Variants in FMN1 observed in about 807,000 individuals in gnomAD.
FMN1 encodes the protein formin 1, also known as formin-1.
A neutral mutation model predicts 132.4 loss-of-function variants in FMN1; 110 were observed. The ratio of observed to expected loss-of-function variants is 0.83; its 90% CI spans 0.71 to 0.97. The LOEUF (loss-of-function observed/expected upper bound fraction) is 0.97, where lower values mean the gene tolerates loss of function less well. FMN1 is among the 50% of genes least tolerant of loss of function. FMN1 has a pLI of 0.00. For missense variants in FMN1, 1,792 were observed against 1,705.3 expected (o/e 1.05, Z -0.90); for synonymous variants, 722 against 651.7 (o/e 1.11, Z -1.64).
At chr15:33,122,245 TTA>T (rs1225456478) in intron 4 of FMN1, among the ~76,000 whole-genome samples, 1 of 152,180 alleles carries the variant, frequency 6.6e-6, no homozygotes, top group East Asian at 1.9e-4. Flanking sequence ...TAAGTCTTAT[TTA>T]TTCTTGTCAT....
In FMN1 at chr15:32,774,281, C is replaced by T. The variant is rs761392162; in HGVS notation, c.*29G>A. 6.3e-7 allele frequency: 1 copy of T among 1,574,954 alleles called. No individual in the cohort carries two copies. Among genetic ancestry groups the T allele is most frequent in the Admixed American group, 1.7e-5 (1 of 57,924 alleles). On this transcript the variant is annotated 3_prime_UTR_variant, in exon 21 of 21. Transcript: ENST00000616417. ...GTATGCGTGCAAGGTCCTCCACCTC[C>T]AGTGCCATCATTTCCATGTGTCTTC... is the stretch of plus-strand genomic sequence containing the variant.
rs538979134 is a variant in FMN1, at chr15:33,032,793, A to G, written c.2162-24718T>C. 2.0e-5 allele frequency among the ~76,000 whole-genome samples: 3 copies of G among 152,258 alleles called. No individual in the cohort carries two copies. The South Asian group carries it at 6.2e-4, about 32-fold the overall frequency. Reference sequence around the variant, plus strand: ...AATTAAGACAACCGATTCCATACCCAGAAGGCCTGGTTCAAATCCTAGCTA... The same window carrying G: ...AATTAAGACAACCGATTCCATACCCGGAAGGCCTGGTTCAAATCCTAGCTA... On this transcript the variant is annotated intron_variant, in intron 6 of 20. Transcript: ENST00000616417.
chr15:33,059,860 T>C (rs1460692273), intron 6 of FMN1, among the ~76,000 whole-genome samples: 2 of 152,240 alleles, frequency 1.3e-5, no homozygotes, highest in Non-Finnish European at 2.9e-5. Flanking sequence ...TTTACTAGTA[T>C]CTCCTTGAAC....
At chr15:32,902,279 G>A (rs1315450861) in intron 12 of FMN1, among the ~76,000 whole-genome samples, 1 of 152,030 alleles carries the variant, frequency 6.6e-6, no homozygotes, top group Admixed American at 6.6e-5. Flanking sequence ...AATTCCTTCG[G>A]GAACAGAAAG....
At chr15:32,931,823 C>T (rs894590262) in intron 9 of FMN1, among the ~76,000 whole-genome samples, 60 of 152,260 alleles carry the variant, frequency 3.9e-4, no homozygotes, top group Non-Finnish European at 2.6e-4. Flanking sequence ...ATAATATTAG[C>T]TTTGAACTTT....
chr15:33,151,108 A>G, intron 4 of FMN1: 1 of 1,350,710 alleles, frequency 7.4e-7, no homozygotes, highest in Non-Finnish European at 9.5e-7. Flanking sequence ...CAAGAGAGAA[A>G]AGGGAACTAG....
intron 15 of FMN1, among the ~76,000 whole-genome samples, chr15:32,894,934 A>C (rs1331639132): frequency 6.6e-6 from 1 of 152,170 alleles, no homozygotes; most frequent in Non-Finnish European, 1.5e-5. Flanking sequence ...AAGCAGATCA[A>C]AATTATTTTC....
At chr15:32,868,521 C>T (rs373494063) in intron 16 of FMN1, among the ~76,000 whole-genome samples, 3 of 152,122 alleles carry the variant, frequency 2.0e-5, no homozygotes, top group South Asian at 2.1e-4. Context: ...TATTGCCTAA[C>T]GACACATTTC....
intron 4 of FMN1, among the ~76,000 whole-genome samples, chr15:33,094,618 T>G (rs937021846): frequency 6.6e-6 from 1 of 152,236 alleles, no homozygotes; most frequent in African/African-American, 2.4e-5. Flanking sequence ...ATGATACTCC[T>G]TCCCAGAAAG....
chr15:33,080,904 T>G (rs547122095), intron 5 of FMN1, among the ~76,000 whole-genome samples: 1 of 150,868 alleles, frequency 6.6e-6, no homozygotes, highest in Non-Finnish European at 1.5e-5. Context: ...AAAAAAAAAT[T>G]CCAGAGACTA....
rs897460983 is a variant in FMN1, at chr15:32,768,903, A to C, written c.*5407T>G. The stretch of plus-strand genomic sequence containing the variant: ...CAATCTTCCCCACATCAAGAACTTC[A>C]GAGATGTAATATAAAGTCTGGAGTT... On this transcript the variant is annotated 3_prime_UTR_variant, in exon 21 of 21. Transcript: ENST00000616417. 2 of 152,354 alleles carry C rather than the reference A, an allele frequency of 1.3e-5. No individual in the cohort carries two copies. The highest frequency in any genetic ancestry group is 1.5e-5 in the Non-Finnish European group (1 of 68,030). The allele number at this position is 152,354 out of a possible 1,614,324, so 9.4% of individuals were successfully genotyped here.
At chr15:33,039,908 C>A (rs1206587004) in intron 6 of FMN1, among the ~76,000 whole-genome samples, 1 of 152,166 alleles carries the variant, frequency 6.6e-6, no homozygotes, top group East Asian at 1.9e-4. Context: ...ACTGCCGCCA[C>A]TCACCTTCCT....
chr15:32,827,565 T>TAC (rs1260554030), intron 17 of FMN1, among the ~76,000 whole-genome samples: 3 of 152,184 alleles, frequency 2.0e-5, no homozygotes, highest in Non-Finnish European at 4.4e-5. Flanking sequence ...AGAAAGGACA[T>TAC]ACAGGCCGGA....
chr15:33,018,085 T>C (rs552011859), intron 6 of FMN1, among the ~76,000 whole-genome samples: 1 of 141,898 alleles, frequency 7.0e-6, no homozygotes, highest in Non-Finnish European at 1.6e-5. Context: ...AAAAAAAAAA[T>C]TTATATGTTA....
chr15:33,170,112 A>G (rs569512484), intron 3 of FMN1, among the ~76,000 whole-genome samples: 1 of 152,288 alleles, frequency 6.6e-6, no homozygotes, highest in South Asian at 2.1e-4. Context: ...AAATAAATTC[A>G]TATATTTACA....
intron 5 of FMN1, among the ~76,000 whole-genome samples, chr15:33,074,102 T>C (rs1207062261): frequency 3.3e-5 from 5 of 152,300 alleles, no homozygotes; most frequent in African/African-American, 1.2e-4. Context: ...CACCAGTTCA[T>C]ACTGCTCAAG....
chr15:33,014,279 C>T lies in FMN1; in HGVS notation c.2162-6204G>A, dbSNP rs192443780. On this transcript the variant is annotated intron_variant, in intron 6 of 20. Transcript: ENST00000616417. Reference sequence around the variant, plus strand: ...GTGTCTTGTTAGTGGCAGCCCCCTGCCCCCAGATGCTTCTTGAGGCTTGCA... The same window carrying T: ...GTGTCTTGTTAGTGGCAGCCCCCTGTCCCCAGATGCTTCTTGAGGCTTGCA... Among the ~76,000 whole-genome samples the T allele has an allele frequency of 2.4e-4, 37 of 152,284 alleles. 1 individual carries two copies. Among genetic ancestry groups the T allele is most frequent in the East Asian group, 1.5e-3 (8 of 5,182 alleles).
intron 7 of FMN1, among the ~76,000 whole-genome samples, chr15:32,986,381 G>C (rs1435627190): frequency 6.6e-6 from 1 of 152,204 alleles, no homozygotes; most frequent in East Asian, 1.9e-4. Flanking sequence ...AAGATTCCCT[G>C]ACCACAGGGC....
At chr15:33,099,246 G>A (rs928312273) in intron 4 of FMN1, among the ~76,000 whole-genome samples, 4 of 152,214 alleles carry the variant, frequency 2.6e-5, no homozygotes, top group African/African-American at 9.7e-5. Flanking sequence ...AGGCAAGATC[G>A]TGCCATTGCA....
Sources: allele counts gnomAD v4.1 joint callset (sites outside exome capture counted in the v4.1 genomes callset), GRCh38; gene constraint gnomAD v4.1.1; transcripts MANE v1.5; gene names NCBI Gene and HGNC (gene_info 2026-07-23, HGNC 2026-07-21).